SLC6A9: variants seen among roughly 807,000 people sequenced by gnomAD.
The protein encoded by SLC6A9 is sodium- and chloride-dependent glycine transporter 1.
In SLC6A9, 31 loss-of-function variants were observed where a neutral mutation model predicts 70.9. That is an observed-to-expected ratio of 0.44 (90% CI 0.33 to 0.59). SLC6A9 has a LOEUF of 0.59. SLC6A9 is among the 20% of genes least tolerant of loss of function. The pLI, the probability that SLC6A9 is intolerant of heterozygous loss-of-function variation, is 0.04. For synonymous variants in SLC6A9, 310 were observed against 341.3 expected, an observed-to-expected ratio of 0.91 and a Z score of 1.01; for missense variants, 631 against 845.2, an observed-to-expected ratio of 0.75 and a Z score of 3.14.
At chr1:44,006,603 A>AG (rs1553161756) in intron 5 of SLC6A9, among the ~76,000 whole-genome samples, 1 of 151,658 alleles carries the variant, frequency 6.6e-6, no homozygotes, top group Admixed American at 6.6e-5. Flanking sequence ...AAAAAAAAAA[A>AG]AAAAAAAGAA....
chr1:44,009,919 TTG>T (rs1482331174), intron 4 of SLC6A9, 44 bp downstream of exon 4: 2 of 1,598,296 alleles, frequency 1.3e-6, no homozygotes, highest in Admixed American at 3.4e-5. Flanking sequence ...TCAGAGGCCG[TTG>T]TGTGTTTGTG....
chr1:44,020,495 C>G (rs145643665), intron 2 of SLC6A9, among the ~76,000 whole-genome samples: 1 of 152,184 alleles, frequency 6.6e-6, no homozygotes, highest in Admixed American at 6.5e-5. Flanking sequence ...TGAATGCCTA[C>G]AGGGTGACAG....
intron 1 of SLC6A9, among the ~76,000 whole-genome samples, chr1:44,028,887 A>G (rs2087036876): frequency 6.6e-6 from 1 of 152,208 alleles, no homozygotes; most frequent in African/African-American, 2.4e-5. Flanking sequence ...CAATAGGGTG[A>G]GGAGAGGTGC....
intron 12 of SLC6A9, among the ~76,000 whole-genome samples, chr1:43,998,671 G>A (rs1354376936): frequency 6.6e-6 from 1 of 152,192 alleles, no homozygotes; most frequent in East Asian, 1.9e-4. Flanking sequence ...TGGGGGTGCA[G>A]TGCCCAGTAC....
rs71307650 is a variant in SLC6A9 at position 44,022,722 on chromosome 1, C to CTTTTTTTTTTTTTTTT, written c.30+1525_30+1526insAAAAAAAAAAAAAAAA. ...TTTTTCTTTCTTTCTTTCTTTCTTTCTTTTTTTTTTTTTTGAGACAGAGCC... is the reference window on the plus strand; with the variant it reads ...TTTTTCTTTCTTTCTTTCTTTCTTTCTTTTTTTTTTTTTTTTTTTTTTTTTTTTTTGAGACAGAGCC... On this transcript the variant is annotated intron_variant, in intron 2 of 13. Coordinates refer to ENST00000372310, the MANE Select transcript of SLC6A9 (RefSeq NM_001024845.3). Among the ~76,000 whole-genome samples, 80 of 118,928 alleles carry CTTTTTTTTTTTTTTTT rather than the reference C, an allele frequency of 6.7e-4. 1 individual carries two copies. The highest frequency in any genetic ancestry group is 1.1e-3 in the Non-Finnish European group (68 of 60,450). The allele number at this position is 118,928 out of a possible 152,430, so 78.0% of individuals were successfully genotyped here.
chr1:44,026,027 C>T (rs562580294), intron 1 of SLC6A9, among the ~76,000 whole-genome samples: 1 of 152,372 alleles, frequency 6.6e-6, no homozygotes, highest in Admixed American at 6.5e-5. Context: ...TTTGCCTATG[C>T]AAATCAGGCC....
intron 3 of SLC6A9, chr1:44,010,468 G>GA: frequency 3.9e-6 from 1 of 256,472 alleles, no homozygotes; most frequent in Non-Finnish European, 7.6e-6. Context: ...GGGGGGGGGG[G>GA]GGGTTAGGTC....
In SLC6A9 at chr1:44,009,945, G is replaced by T. The variant is rs780801678; in HGVS notation, c.319+20C>A. The T allele has an allele frequency of 2.5e-6, 4 of 1,612,258 alleles. No homozygotes were observed. The highest frequency in any genetic ancestry group is 3.4e-6 in the Non-Finnish European group (4 of 1,179,070). ...TGTGTGTTTGTGTATGTGTGAGCGA[G>T]TGCCCCGCCCAGGCCTCACCTTTGA... On this transcript the variant is annotated intron_variant, in intron 4 of 13. Transcript: ENST00000372310.
rs1239442657 is a variant in SLC6A9, at chr1:44,008,496, G to GT, written c.446dup (p.Asn149LysfsTer7). The GT allele has an allele frequency of 3.1e-6, 5 of 1,614,072 alleles. No homozygotes were observed. Among genetic ancestry groups the GT allele is most frequent in the Non-Finnish European group, 2.5e-6 (3 of 1,180,036 alleles). ...CGGCGCAGTCATGCGTGTTCCAGGG[G>GT]TTATTGCAGTAGGCCCAGGGCAGCA... On this transcript the variant is annotated frameshift_variant, in exon 5 of 14. Coordinates refer to ENST00000372310, the MANE Select transcript of SLC6A9 (RefSeq NM_001024845.3). LOFTEE classifies it high-confidence loss of function.
chr1:44,002,292 A>G lies in SLC6A9; in HGVS notation c.962+21T>C. The G allele has an allele frequency of 6.4e-7, 1 of 1,563,682 alleles. No homozygotes were observed. Among genetic ancestry groups the G allele is most frequent in the Non-Finnish European group, 8.8e-7 (1 of 1,134,006 alleles). On this transcript the variant is annotated intron_variant, in intron 8 of 13. Transcript: ENST00000372310. The surrounding 1 kb of genome is among the most constrained non-coding windows in gnomAD (Gnocchi z 5.5). ...GAGAGTGCAGGAAGGGGGCAGCCTC[A>G]GCCCAGCAGGGAGCACTCACCGGTA...
At chr1:44,004,037 C>A (rs929675606) in intron 5 of SLC6A9, among the ~76,000 whole-genome samples, 8 of 152,198 alleles carry the variant, frequency 5.3e-5, no homozygotes, top group Admixed American at 2.0e-4. Flanking sequence ...CTCTGTCACC[C>A]AGGCTGGAGT....
intron 1 of SLC6A9, among the ~76,000 whole-genome samples, chr1:44,027,165 T>A (rs1397484154): frequency 1.3e-5 from 2 of 152,134 alleles, no homozygotes; most frequent in Non-Finnish European, 2.9e-5. Context: ...GAAGCACTTG[T>A]GGGCCACTGT....
Position 44,011,579 on chromosome 1 carries a change from G to C in SLC6A9, c.31-697C>G, listed in dbSNP as rs187474842. 1.3e-3 allele frequency: 2,163 copies of C among 1,614,022 alleles called. 22 individuals are homozygous for C. The African/African-American group carries it at 0.023, about 17-fold the overall frequency. On this transcript the variant is annotated intron_variant, in intron 2 of 13. Coordinates refer to ENST00000372310, the MANE Select transcript of SLC6A9 (RefSeq NM_001024845.3). ...AGCTGACCTGGGCCATGGCTAGGGA[G>C]TGCTGGGCCATGAGTTGGGGAAGGA...
chr1:44,011,499 T>C (rs2086567671), intron 2 of SLC6A9: 1 of 1,425,700 alleles, frequency 7.0e-7, no homozygotes, highest in African/African-American at 1.4e-5. Flanking sequence ...GGACTCTAGG[T>C]GGGAGGGTCC....
At position 44,007,917 on chromosome 1, in the gene SLC6A9, G is replaced by T. The variant is rs1366416103; in HGVS notation, c.590+436C>A. ...CTTTTTTTTTTTTTTTTGAGATGGA[G>T]TCTTGCTCTGTCGCCCAGGCTGAAG... On this transcript the variant is annotated intron_variant, in intron 5 of 13. Transcript: ENST00000372310. Among the ~76,000 whole-genome samples the T allele has an allele frequency of 1.9e-4, 27 of 141,396 alleles. No individual in the cohort carries two copies. In the Admixed American group the frequency reaches 2.0e-3, roughly 10 times the overall value. 92.8% of individuals were successfully genotyped at this position (141,396 alleles called of 152,430 possible).
chr1:44,024,575 C>T (rs1157917167), intron 1 of SLC6A9, among the ~76,000 whole-genome samples: 1 of 152,248 alleles, frequency 6.6e-6, no homozygotes, highest in Non-Finnish European at 1.5e-5. Context: ...GGCTTCCTGT[C>T]CCAATGGGCA....
intron 2 of SLC6A9, among the ~76,000 whole-genome samples, chr1:44,019,492 C>T (rs764669259): frequency 2.6e-5 from 4 of 152,248 alleles, no homozygotes; most frequent in Non-Finnish European, 5.9e-5. Context: ...AGGGCCAAGG[C>T]GCTGGCTGGG....
intron 5 of SLC6A9, among the ~76,000 whole-genome samples, chr1:44,004,907 A>C (rs1206059060): frequency 6.6e-6 from 1 of 152,240 alleles, no homozygotes; most frequent in African/African-American, 2.4e-5. Flanking sequence ...ATGTCTCCAC[A>C]TGACAAATCT....
intron 2 of SLC6A9, chr1:44,017,397 ACAC>A: frequency 8.2e-7 from 1 of 1,222,574 alleles, no homozygotes; most frequent in Non-Finnish European, 1.0e-6. Context: ...ACACACACAC[ACAC>A]ACACACACAG....
Sources: allele counts gnomAD v4.1 joint callset (sites outside exome capture counted in the v4.1 genomes callset), GRCh38; gene constraint gnomAD v4.1.1; non-coding constraint Gnocchi (gnomAD v3.1); transcripts MANE v1.5; gene names NCBI Gene and HGNC (gene_info 2026-07-23, HGNC 2026-07-21).